Variants in PIEZO2 observed in about 807,000 individuals in gnomAD.
PIEZO2 encodes piezo-type mechanosensitive ion channel component 2.
In PIEZO2, 172 loss-of-function variants were observed where a neutral mutation model predicts 337.3. That is an observed-to-expected ratio of 0.51 (90% CI 0.45 to 0.58). The LOEUF (loss-of-function observed/expected upper bound fraction) is 0.58, where lower values mean the gene tolerates loss of function less well. Ranked by LOEUF, PIEZO2 falls within the 20% of genes least tolerant of loss-of-function variation. PIEZO2 has a pLI of 0.00. For missense variants in PIEZO2, 3,028 were observed against 3,391.3 expected (o/e 0.89, Z 2.66); for synonymous variants, 1,251 against 1,228.5 (o/e 1.02, Z -0.38).
In PIEZO2 at chr18:11,021,585, T is replaced by C. The variant is rs1171334415; in HGVS notation, c.161-41925A>G. ...TTCGTGAGGAGGAACACAGTCACCA[T>C]CGTGAATGAAAACCACCAAGTGGGG... On this transcript the variant is annotated intron_variant, in intron 2 of 55. Coordinates refer to ENST00000674853, the MANE Select transcript of PIEZO2 (RefSeq NM_001378183.1). This position sits in a 1 kb window ranked among gnomAD's most constrained non-coding sequence, Gnocchi z 4.7. Among the ~76,000 whole-genome samples the C allele has an allele frequency of 6.6e-6, 1 of 152,208 alleles. No individual in the cohort carries two copies. The highest frequency in any genetic ancestry group is 1.9e-4 in the East Asian group (1 of 5,190).
In PIEZO2 at chr18:10,682,360, G is replaced by C. The variant is rs975500658; in HGVS notation, c.7498-68C>G. ...TGCTTTCCCGCAGGCAGCGGGATTG[G>C]GGGAGAGCGAGTGCTCTTCCTGTGG... On this transcript the variant is annotated intron_variant, in intron 49 of 55. Coordinates refer to ENST00000674853, the MANE Select transcript of PIEZO2 (RefSeq NM_001378183.1). The surrounding 1 kb of genome is among the most constrained non-coding windows in gnomAD (Gnocchi z 5.6). 4.4e-6 allele frequency: 6 copies of C among 1,377,874 alleles called. No individual in the cohort carries two copies. The Middle Eastern group carries it at 6.5e-4, about 150-fold the overall frequency. The allele number at this position is 1,377,874 out of a possible 1,614,324, so 85.4% of individuals were successfully genotyped here.
rs2039530618 is a variant in PIEZO2 at position 11,105,363 on chromosome 18, C to T, written c.65-39141G>A. ...CTAGACTGTAAACCACACAACTAAA[C>T]TCGACAAGAATATGTTCCATTTGTA... On this transcript the variant is annotated intron_variant, in intron 1 of 55. Transcript: ENST00000674853. The surrounding 1 kb of genome is among the most constrained non-coding windows in gnomAD (Gnocchi z 4.3). Among the ~76,000 whole-genome samples the T allele has an allele frequency of 6.6e-6, 1 of 152,184 alleles. No homozygotes were observed. The highest frequency in any genetic ancestry group is 6.5e-5 in the Admixed American group (1 of 15,274).
intron 3 of PIEZO2, among the ~76,000 whole-genome samples, chr18:10,914,475 A>C (rs768278267): frequency 8.5e-5 from 13 of 152,190 alleles, no homozygotes; most frequent in Non-Finnish European, 1.8e-4. Flanking sequence ...TGCATACTTC[A>C]AATCATCTGT....
At chr18:10,769,981 AGTGCTGCT>A in intron 21 of PIEZO2, 159 bp downstream of exon 21, 1 of 653,824 alleles carries the variant, frequency 1.5e-6, no homozygotes, top group Non-Finnish European at 2.4e-6. Context: ...CCTTTTTCTC[AGTGCTGCT>A]GACCCTCGGA....
intron 21 of PIEZO2, among the ~76,000 whole-genome samples, chr18:10,763,499 C>T (rs368287334): frequency 1.9e-3 from 290 of 152,098 alleles, no homozygotes; most frequent in Non-Finnish European, 3.3e-3. Flanking sequence ...GTAAAGGAGG[C>T]ATGAATGAAG....
intron 2 of PIEZO2, among the ~76,000 whole-genome samples, chr18:11,025,327 G>A (rs2584732): frequency 0.51 from 77,351 of 152,012 alleles, 20,533 homozygotes; most frequent in African/African-American, 0.67. Context: ...CACAAATCTG[G>A]TGATAGGTAA....
In PIEZO2 at chr18:11,005,176, G is replaced by A. The variant is rs376974410; in HGVS notation, c.161-25516C>T. ...TAATGAATGGGGGAAAAACAATTAG[G>A]CTATTGAGTCCATTCCCCTTCACAT... On this transcript the variant is annotated intron_variant, in intron 2 of 55. Transcript: ENST00000674853. Among the ~76,000 whole-genome samples, 16 of 152,298 alleles carry A rather than the reference G, an allele frequency of 1.1e-4. No individual in the cohort carries two copies. The South Asian group carries it at 2.5e-3, about 24-fold the overall frequency.
At chr18:10,874,412 C>T (rs1005850757) in intron 4 of PIEZO2, among the ~76,000 whole-genome samples, 1 of 151,996 alleles carries the variant, frequency 6.6e-6, no homozygotes, top group Non-Finnish European at 1.5e-5. Context: ...GGAGGTTCCT[C>T]GAAAACTTAA....
At position 10,871,341 on chromosome 18, in the gene PIEZO2, G is replaced by A; in HGVS notation, c.404C>T (p.Thr135Ile). 1.3e-6 allele frequency: 2 copies of A among 1,537,192 alleles called. No individual in the cohort carries two copies. The highest frequency in any genetic ancestry group is 1.7e-6 in the Non-Finnish European group (2 of 1,146,794). The change falls in exon 5 of 56, where the codon ACC becomes ATC. Residue 135 changes from threonine (T) to isoleucine (I), a missense_variant. Thr to Ile is a moderately conservative substitution (Grantham distance 89). Coordinates refer to ENST00000674853, the MANE Select transcript of PIEZO2 (RefSeq NM_001378183.1). ...PDIGMFIASL[T>I]IWLLCRNIVQ... ...AATGTTTCTACAGAGGAGCCAGATG[G>A]TCAGACTAGCAATGAACATCCCGAT...
At chr18:11,050,095 G>A (rs978416098) in intron 2 of PIEZO2, among the ~76,000 whole-genome samples, 1 of 152,030 alleles carries the variant, frequency 6.6e-6, no homozygotes, top group African/African-American at 2.4e-5. Flanking sequence ...TATGACATCT[G>A]TACCATCTCA....
chr18:10,682,429 T>C lies in PIEZO2; in HGVS notation c.7498-137A>G. ...GGCCCTGAATCTTCTCTGTTCGCTC[T>C]GAAATGGGGATAGCAACCTTGTCCC... On this transcript the variant is annotated intron_variant, in intron 49 of 55. Transcript: ENST00000674853. The surrounding 1 kb of genome is among the most constrained non-coding windows in gnomAD (Gnocchi z 5.6). The C allele has an allele frequency of 1.3e-6, 1 of 767,122 alleles. No individual in the cohort carries two copies. 47.5% of individuals were successfully genotyped at this position (767,122 alleles called of 1,614,324 possible).
intron 4 of PIEZO2, among the ~76,000 whole-genome samples, chr18:10,887,783 C>T (rs922453781): frequency 6.6e-5 from 10 of 152,016 alleles, no homozygotes; most frequent in Non-Finnish European, 1.0e-4. Flanking sequence ...GAATGAGTAC[C>T]GTCTTTCATT....
Position 10,866,598 on chromosome 18 carries a change from A to G in PIEZO2, c.492+4655T>C, listed in dbSNP as rs140996202. Among the ~76,000 whole-genome samples, 13 of 152,248 alleles carry G rather than the reference A, an allele frequency of 8.5e-5. No homozygotes were observed. In the East Asian group the frequency reaches 2.3e-3, roughly 27 times the overall value. ...CCACACTTGGCCGCCTTTGTATGCA[A>G]TGAAGGTGGCTCTCACTGACTGTCC... is the stretch of plus-strand genomic sequence containing the variant. On this transcript the variant is annotated intron_variant, in intron 5 of 55. Transcript: ENST00000674853.
rs1200017383 is a variant in PIEZO2 at position 10,833,411 on chromosome 18, C to T, written c.917+21942G>A. 6.6e-6 allele frequency among the ~76,000 whole-genome samples: 1 copy of T among 152,190 alleles called. No homozygotes were observed. The highest frequency in any genetic ancestry group is 1.9e-4 in the East Asian group (1 of 5,184). On this transcript the variant is annotated intron_variant, in intron 7 of 55. Transcript: ENST00000674853. This position sits in a 1 kb window ranked among gnomAD's most constrained non-coding sequence, Gnocchi z 4.7. ...AATCATGTGGGGATCTTCTAAAGCA[C>T]TAACACTGGGCCCTGCCCCAGAACC... is the stretch of plus-strand genomic sequence containing the variant.
At chr18:11,106,416 CTCTT>C (rs1433891294) in intron 1 of PIEZO2, among the ~76,000 whole-genome samples, 7 of 134,580 alleles carry the variant, frequency 5.2e-5, no homozygotes, top group South Asian at 2.2e-4. Context: ...TCTTTCCTCT[CTCTT>C]TTTTTTTTTT....
chr18:11,029,294 G>A (rs2036647505), intron 2 of PIEZO2, among the ~76,000 whole-genome samples: 2 of 152,140 alleles, frequency 1.3e-5, no homozygotes, highest in Non-Finnish European at 2.9e-5. Context: ...CTGTCCTGCT[G>A]CTAAAACTTG....
rs796185952 is a variant in PIEZO2, at chr18:11,105,652, C to T, written c.65-39430G>A. 5.9e-5 allele frequency among the ~76,000 whole-genome samples: 9 copies of T among 152,226 alleles called. No homozygotes were observed. Among genetic ancestry groups the T allele is most frequent in the South Asian group, 2.1e-4 (1 of 4,826 alleles). On this transcript the variant is annotated intron_variant, in intron 1 of 55. Transcript: ENST00000674853. This position sits in a 1 kb window ranked among gnomAD's most constrained non-coding sequence, Gnocchi z 4.3. Reference sequence around the variant, plus strand: ...CATGGTCCCACAGAAGCCTGGAAGCCGCTACAAAGCAATATTTCAACATCA... The same window carrying T: ...CATGGTCCCACAGAAGCCTGGAAGCTGCTACAAAGCAATATTTCAACATCA...
chr18:10,976,964 T>A (rs2145471627), intron 3 of PIEZO2, among the ~76,000 whole-genome samples: 1 of 150,516 alleles, frequency 6.6e-6, no homozygotes, highest in African/African-American at 2.4e-5. Flanking sequence ...TATTGTGACT[T>A]TTTGCCTGGG....
At chr18:11,007,275 T>C (rs538766947) in intron 2 of PIEZO2, among the ~76,000 whole-genome samples, 55 of 152,324 alleles carry the variant, frequency 3.6e-4, no homozygotes, top group Admixed American at 7.8e-4. Flanking sequence ...TTAATAAATA[T>C]AGCTTTCATA....
Sources: allele counts gnomAD v4.1 joint callset (sites outside exome capture counted in the v4.1 genomes callset), GRCh38; gene constraint gnomAD v4.1.1; non-coding constraint Gnocchi (gnomAD v3.1); transcripts MANE v1.5; gene names NCBI Gene and HGNC (gene_info 2026-07-23, HGNC 2026-07-21).